The following TLL1 variants were observed in gnomAD, a reference collection of about 807,000 sequenced individuals.
The protein encoded by TLL1 is tolloid like 1.
A neutral mutation model predicts 128.2 loss-of-function variants in TLL1; 49 were observed. The observed-to-expected ratio is 0.38, with a 90% CI of 0.30 to 0.48. The LOEUF (loss-of-function observed/expected upper bound fraction) is 0.48, where lower values mean the gene tolerates loss of function less well. Among genes scored for constraint, TLL1 ranks in the 20% least tolerant of loss-of-function variants. The pLI is 0.96. For synonymous variants in TLL1, 454 were observed against 418.8 expected, an observed-to-expected ratio of 1.08 and a Z score of -1.03; for missense variants, 1,123 against 1,242.0, an observed-to-expected ratio of 0.90 and a Z score of 1.44.
intron 14 of TLL1, 50 bp from the exon 15 acceptor site, chr4:166,059,978 G>A (rs372049410): frequency 2.5e-6 from 4 of 1,606,634 alleles, no homozygotes; most frequent in East Asian, 2.2e-5. Context: ...GTGCTAAGAA[G>A]TGGGTGACTT....
intron 1 of TLL1, among the ~76,000 whole-genome samples, chr4:165,888,605 T>C (rs982614353): frequency 6.6e-6 from 1 of 152,130 alleles, no homozygotes; most frequent in Non-Finnish European, 1.5e-5. Flanking sequence ...AACTAAATTC[T>C]CTGCTTGAGT....
chr4:165,995,142 A>G lies in TLL1; in HGVS notation c.596A>G (p.Glu199Gly). ...TCVTFIERSD[E>G]ESYIVFTYRP... ...GTGACTTTCATAGAAAGAAGTGATG[A>G]AGAGAGTTACATTGTATTCACCTAT... The change falls in exon 5 of 21, where the codon GAA becomes GGA. Residue 199 changes from glutamate to glycine, a missense_variant. Coordinates refer to ENST00000061240, the MANE Select transcript of TLL1 (RefSeq NM_012464.5). 2 of 1,614,038 alleles carry G rather than the reference A, an allele frequency of 1.2e-6. No individual in the cohort carries two copies. Among genetic ancestry groups the G allele is most frequent in the Non-Finnish European group, 1.7e-6 (2 of 1,179,930 alleles).
At chr4:165,966,504 AG>A in intron 1 of TLL1, among the ~76,000 whole-genome samples, 1 of 152,174 alleles carries the variant, frequency 6.6e-6, no homozygotes, top group Non-Finnish European at 1.5e-5. Flanking sequence ...AAATCTTACC[AG>A]GGAAGATGTA....
intron 1 of TLL1, among the ~76,000 whole-genome samples, chr4:165,883,858 T>G (rs951868425): frequency 2.6e-5 from 4 of 152,250 alleles, no homozygotes; most frequent in Admixed American, 6.5e-5. Flanking sequence ...TATGTTGTTC[T>G]CTTGGCTATT....
chr4:166,097,614 C>T (rs1426491340), intron 19 of TLL1, among the ~76,000 whole-genome samples: 1 of 152,086 alleles, frequency 6.6e-6, no homozygotes, highest in Non-Finnish European at 1.5e-5. Context: ...GAAAGGGGTT[C>T]CATACCCGTA....
intron 1 of TLL1, among the ~76,000 whole-genome samples, chr4:165,946,160 T>G (rs889339569): frequency 6.6e-5 from 10 of 152,070 alleles, no homozygotes; most frequent in African/African-American, 2.4e-4. Flanking sequence ...TGCAGGGAAC[T>G]GAATTCTGCC....
At chr4:166,030,718 A>G in intron 9 of TLL1, 1 of 1,182,272 alleles carries the variant, frequency 8.5e-7, no homozygotes, top group Non-Finnish European at 1.0e-6. Context: ...TTTCTTCAAC[A>G]CCATTTGTTA....
At chr4:165,971,198 A>G (rs1735612659) in intron 1 of TLL1, among the ~76,000 whole-genome samples, 1 of 152,212 alleles carries the variant, frequency 6.6e-6, no homozygotes, top group Non-Finnish European at 1.5e-5. Context: ...AAGATTATTC[A>G]GTGTGTGTTG....
intron 7 of TLL1, among the ~76,000 whole-genome samples, chr4:166,012,769 A>C (rs1737756413): frequency 1.3e-5 from 2 of 151,768 alleles, no homozygotes; most frequent in African/African-American, 4.8e-5. Flanking sequence ...GTAAATCACT[A>C]GCTCTACTTC....
At chr4:165,998,954 G>A (rs1032638316) in intron 5 of TLL1, among the ~76,000 whole-genome samples, 1 of 152,110 alleles carries the variant, frequency 6.6e-6, no homozygotes, top group African/African-American at 2.4e-5. Flanking sequence ...GTGCTAGCCA[G>A]GATTCTTCTT....
At chr4:165,893,373 T>C (rs79370647) in intron 1 of TLL1, among the ~76,000 whole-genome samples, 6,190 of 152,258 alleles carry the variant, frequency 0.041, 405 homozygotes, top group African/African-American at 0.14. Flanking sequence ...AAGTGAGTCC[T>C]GTGAGTGCCT....
intron 1 of TLL1, among the ~76,000 whole-genome samples, chr4:165,910,845 T>C (rs1037338233): frequency 6.6e-6 from 1 of 152,328 alleles, no homozygotes; most frequent in African/African-American, 2.4e-5. Flanking sequence ...CCCATGATTA[T>C]ATAGCTGCCA....
At chr4:166,089,370 A>C (rs1741660667) in intron 18 of TLL1, among the ~76,000 whole-genome samples, 1 of 152,142 alleles carries the variant, frequency 6.6e-6, no homozygotes, top group Non-Finnish European at 1.5e-5. Context: ...GAGATTTAGT[A>C]GGCCCTGTCT....
rs539182008 is a variant in TLL1 at position 166,101,835 on chromosome 4, T to G, written c.*959T>G. On this transcript the variant is annotated 3_prime_UTR_variant, in exon 21 of 21. Coordinates refer to ENST00000061240, the MANE Select transcript of TLL1 (RefSeq NM_012464.5). ...TGTTGATGTTGTCATGGTTAATCTA[T>G]TTTTTAAAATTGAAATGAAGCAGAA... The G allele has an allele frequency of 6.6e-6, 1 of 152,600 alleles. No individual in the cohort carries two copies. Among genetic ancestry groups the G allele is most frequent in the South Asian group, 2.1e-4 (1 of 4,832 alleles). The allele number at this position is 152,600 out of a possible 1,614,324, so 9.5% of individuals were successfully genotyped here.
At chr4:166,018,550 A>G (rs1450057444) in intron 8 of TLL1, among the ~76,000 whole-genome samples, 1 of 152,140 alleles carries the variant, frequency 6.6e-6, no homozygotes, top group African/African-American at 2.4e-5. Context: ...TCCACAAACT[A>G]CACATCTGAC....
At chr4:165,888,946 G>A (rs560658314) in intron 1 of TLL1, among the ~76,000 whole-genome samples, 1 of 152,230 alleles carries the variant, frequency 6.6e-6, no homozygotes, top group Admixed American at 6.5e-5. Flanking sequence ...ACAAATTTTG[G>A]CAAATGCCCT....
At position 166,057,339 on chromosome 4, in the gene TLL1, C is replaced by T. The variant is rs1042430541; in HGVS notation, c.1846+30C>T. 27 of 1,611,688 alleles carry T rather than the reference C, an allele frequency of 1.7e-5. No homozygotes were observed. In the Admixed American group the frequency reaches 4.0e-4, roughly 24 times the overall value. On this transcript the variant is annotated intron_variant, in intron 14 of 20. Transcript: ENST00000061240. ...GACTGCACTCCTTCCTGGACCCCCA[C>T]CCCCCACAATTATTTATTTCTTATA...
rs185922504 is a variant in TLL1, at chr4:165,983,127, C to T, written c.170-6254C>T. Among the ~76,000 whole-genome samples the T allele has an allele frequency of 2.7e-3, 412 of 151,866 alleles. 2 individuals carry two copies. The highest frequency in any genetic ancestry group is 9.2e-3 in the African/African-American group (381 of 41,492). ...AAAAAAGTTTCAATATTTACTTTTA[C>T]GTTTCTGGATCAAAGCACTTTTCTG... On this transcript the variant is annotated intron_variant, in intron 1 of 20. Coordinates refer to ENST00000061240, the MANE Select transcript of TLL1 (RefSeq NM_012464.5).
chr4:165,949,831 A>G (rs1734424548), intron 1 of TLL1, among the ~76,000 whole-genome samples: 1 of 151,972 alleles, frequency 6.6e-6, no homozygotes, highest in Non-Finnish European at 1.5e-5. Context: ...ATTCAAGGTG[A>G]GATTTGGGTG....
Sources: gnomAD v4.1 joint callset for allele counts (sites outside exome capture counted in the v4.1 genomes callset) on GRCh38, gnomAD v4.1.1 for gene constraint, MANE v1.5 for transcripts, NCBI Gene and HGNC (gene_info 2026-07-23, HGNC 2026-07-21) for gene names.